Variants in FGF18 observed in about 807,000 individuals in gnomAD.
FGF18 encodes the protein fibroblast growth factor 18.
Under a neutral mutation model 23.0 loss-of-function variants are expected in FGF18, and 5 were observed. The ratio of observed to expected loss-of-function variants is 0.22; its 90% confidence interval spans 0.11 to 0.46. The LOEUF (loss-of-function observed/expected upper bound fraction) is 0.46. Among genes scored for constraint, FGF18 ranks in the 20% least tolerant of loss-of-function variants. The pLI is 0.99. For synonymous variants in FGF18, 117 were observed against 118.9 expected (o/e 0.98, Z 0.10); for missense variants, 180 against 291.6 (o/e 0.62, Z 2.79).
intron 2 of FGF18, among the ~76,000 whole-genome samples, chr5:171,432,406 T>C (rs1300265542): frequency 2.0e-5 from 3 of 152,140 alleles, no homozygotes; most frequent in African/African-American, 7.2e-5. Flanking sequence ...TTTACTTATT[T>C]ATTCATTTAT....
intron 3 of FGF18, among the ~76,000 whole-genome samples, chr5:171,441,836 T>A (rs1772350354): frequency 1.3e-5 from 2 of 152,132 alleles, no homozygotes; most frequent in African/African-American, 4.8e-5. Flanking sequence ...CCCTGGCGCA[T>A]TGAGGCAAAG....
chr5:171,450,713 G>A (rs948554687), intron 4 of FGF18, among the ~76,000 whole-genome samples: 1 of 152,108 alleles, frequency 6.6e-6, no homozygotes, highest in African/African-American at 2.4e-5. Context: ...GGCCGGCGAG[G>A]GGGGTCGGGG....
intron 2 of FGF18, among the ~76,000 whole-genome samples, chr5:171,430,656 C>T (rs1340822744): frequency 1.1e-4 from 16 of 148,270 alleles, no homozygotes; most frequent in East Asian, 2.0e-4. Flanking sequence ...GGCGCGGTGG[C>T]GGGCGCCTGT....
rs1220302215 is a variant in FGF18 at position 171,434,724 on chromosome 5, C to T, written c.70-1369C>T. 2.6e-5 allele frequency among the ~76,000 whole-genome samples: 4 copies of T among 152,254 alleles called. No individual in the cohort carries two copies. In the South Asian group the frequency reaches 8.3e-4, roughly 32 times the overall value. On this transcript the variant is annotated intron_variant, in intron 2 of 4. Coordinates refer to ENST00000274625, the MANE Select transcript of FGF18 (RefSeq NM_003862.3). The surrounding 1 kb of genome is among the most constrained non-coding windows in gnomAD (Gnocchi z 4.6). ...GTCTTTTCAACATTTGTTTATGTAT[C>T]CATTCAAGAAGCGTTTGAGTTTCTA...
intron 2 of FGF18, among the ~76,000 whole-genome samples, chr5:171,427,304 T>C (rs1268437532): frequency 6.6e-6 from 1 of 152,066 alleles, no homozygotes; most frequent in East Asian, 1.9e-4. Context: ...GGCAAAACAC[T>C]CGATGAGTAA....
intron 2 of FGF18, among the ~76,000 whole-genome samples, chr5:171,429,034 G>A (rs974408793): frequency 3.9e-5 from 6 of 152,340 alleles, no homozygotes; most frequent in African/African-American, 1.2e-4. Flanking sequence ...AGTCTGGGGG[G>A]TGGGGAAGGG....
chr5:171,438,363 A>C (rs1488015799), intron 3 of FGF18, among the ~76,000 whole-genome samples: 1 of 151,930 alleles, frequency 6.6e-6, no homozygotes, highest in Non-Finnish European at 1.5e-5. Context: ...TGGCCTCCCA[A>C]AGTGCTGGGA....
rs892796046 is a variant in FGF18 at position 171,436,014 on chromosome 5, G to A, written c.70-79G>A. 8.2e-7 allele frequency: 1 copy of A among 1,225,184 alleles called. No homozygotes were observed. The highest frequency in any genetic ancestry group is 1.1e-6 in the Non-Finnish European group (1 of 923,730). 75.9% of individuals were successfully genotyped at this position (1,225,184 alleles called of 1,614,324 possible). A position where few individuals can be genotyped will look rare whatever the true frequency, so the allele number is the denominator to read the frequency against. On this transcript the variant is annotated intron_variant, in intron 2 of 4. Transcript: ENST00000274625. This position sits in a 1 kb window ranked among gnomAD's most constrained non-coding sequence, Gnocchi z 4.4. ...CGGTGTAGAGAAGCCCTTGGTCTTT[G>A]TGGTGGACGTGGCTGGCTCCTGCAT...
rs1011300893 is a variant in FGF18 at position 171,442,346 on chromosome 5, C to T, written c.250+6073C>T. 9.9e-5 allele frequency among the ~76,000 whole-genome samples: 15 copies of T among 152,218 alleles called. No homozygotes were observed. The East Asian group carries it at 2.7e-3, about 27-fold the overall frequency. On this transcript the variant is annotated intron_variant, in intron 3 of 4. Coordinates refer to ENST00000274625, the MANE Select transcript of FGF18 (RefSeq NM_003862.3). ...CCTCCATTGCCACCTCTCTCTCCCC[C>T]TCTCAAGATCTGGTCTGCCTTCAGT...
At chr5:171,430,005 CAT>C (rs1292554653) in intron 2 of FGF18, among the ~76,000 whole-genome samples, 1 of 152,222 alleles carries the variant, frequency 6.6e-6, no homozygotes, top group Non-Finnish European at 1.5e-5. Context: ...AATTCTGTGA[CAT>C]AGAACAAGTG....
In FGF18 at chr5:171,432,617, ATGGTCTTGAACTCCTGGCCTCAAGC is replaced by A. The variant is rs1304106806; in HGVS notation, c.70-3450_70-3426del. On this transcript the variant is annotated intron_variant, in intron 2 of 4. Transcript: ENST00000274625. ...AGAGACAGGGTTTCAGTATGTTAAG[ATGGTCTTGAACTCCTGGCCTCAAGC>A]TGGTCTTGAACTCCTGGCCTCAAGC... Among the ~76,000 whole-genome samples the A allele has an allele frequency of 5.3e-5, 8 of 152,138 alleles. 1 individual carries two copies. The highest frequency in any genetic ancestry group is 1.7e-4 in the African/African-American group (7 of 41,504).
intron 2 of FGF18, among the ~76,000 whole-genome samples, chr5:171,423,588 C>G (rs919794341): frequency 6.6e-6 from 1 of 152,132 alleles, no homozygotes; most frequent in Non-Finnish European, 1.5e-5. Context: ...GCCACTTCCT[C>G]TCTCACCACA....
intron 2 of FGF18, among the ~76,000 whole-genome samples, chr5:171,426,722 C>A (rs185160412): frequency 6.6e-6 from 1 of 152,378 alleles, no homozygotes; most frequent in African/African-American, 2.4e-5. Flanking sequence ...TCTCTCTGAG[C>A]TTTGATTTAC....
chr5:171,453,136 G>A (rs1014711298), intron 4 of FGF18, among the ~76,000 whole-genome samples: 2 of 152,176 alleles, frequency 1.3e-5, no homozygotes, highest in Non-Finnish European at 2.9e-5. Flanking sequence ...AGTTTCCGGG[G>A]GTCGGGCCCA....
At chr5:171,425,515 C>T in intron 2 of FGF18, among the ~76,000 whole-genome samples, 1 of 149,068 alleles carries the variant, frequency 6.7e-6, no homozygotes, top group Non-Finnish European at 1.5e-5. Flanking sequence ...GCCACTGCAC[C>T]TGGCCGCCAT....
chr5:171,421,422 T>A (rs922303212), intron 2 of FGF18, among the ~76,000 whole-genome samples: 2 of 152,082 alleles, frequency 1.3e-5, no homozygotes, highest in African/African-American at 4.8e-5. Flanking sequence ...CAGGAGGAAC[T>A]GGACACAGGT....
At chr5:171,450,142 G>T (rs1772477822) in intron 4 of FGF18, among the ~76,000 whole-genome samples, 1 of 149,954 alleles carries the variant, frequency 6.7e-6, no homozygotes, top group African/African-American at 2.5e-5. Context: ...TTCTAAGGGG[G>T]ATGGGCTTGT....
chr5:171,420,294 G>C, intron 1 of FGF18, 63 bp downstream of exon 1: 8 of 1,607,646 alleles, frequency 5.0e-6, no homozygotes, highest in Non-Finnish European at 6.8e-6. Context: ...CCTGTGCCCT[G>C]TACCTCTGTC....
chr5:171,432,745 CAG>C (rs1404383799), intron 2 of FGF18, among the ~76,000 whole-genome samples: 2 of 152,234 alleles, frequency 1.3e-5, no homozygotes, highest in Non-Finnish European at 2.9e-5. Context: ...GTGTCTGGAA[CAG>C]GGGAATGCTG....
Sources: gnomAD v4.1 joint callset for allele counts (sites outside exome capture counted in the v4.1 genomes callset) on GRCh38, gnomAD v4.1.1 for gene constraint, Gnocchi (gnomAD v3.1) non-coding constraint, MANE v1.5 for transcripts, NCBI Gene and HGNC (gene_info 2026-07-23, HGNC 2026-07-21) for gene names.